The following FAM184B variants were observed in gnomAD, a reference collection of about 807,000 sequenced individuals.
FAM184B encodes the protein protein FAM184B.
A neutral mutation model predicts 135.9 loss-of-function variants in FAM184B; 111 were observed. The observed-to-expected ratio is 0.82, with a 90% CI of 0.70 to 0.96. FAM184B has a LOEUF of 0.96. FAM184B is among the 40% of genes least tolerant of loss of function. The pLI is 0.00. For missense variants in FAM184B, 1,375 were observed against 1,323.9 expected (o/e 1.04, Z -0.60); for synonymous variants, 552 against 524.8 (o/e 1.05, Z -0.71).
intron 7 of FAM184B, among the ~76,000 whole-genome samples, chr4:17,686,094 G>A (rs1716579675): frequency 6.6e-6 from 1 of 152,224 alleles, no homozygotes; most frequent in African/African-American, 2.4e-5. Flanking sequence ...ACTTTGAGGA[G>A]CTAAGAAATA....
intron 13 of FAM184B, among the ~76,000 whole-genome samples, chr4:17,641,669 TTTG>T: frequency 1.5e-5 from 2 of 132,148 alleles, no homozygotes; most frequent in South Asian, 2.5e-4. Flanking sequence ...TTTTTTTTTT[TTTG>T]TATTTTTAGT....
chr4:17,739,555 G>GTTTTTGTTTTTTTTTT (rs1553841421), intron 1 of FAM184B, among the ~76,000 whole-genome samples: 2 of 62,510 alleles, frequency 3.2e-5, no homozygotes, highest in African/African-American at 1.2e-4. Context: ...CATACCAACT[G>GTTTTTGTTTTTTTTTT]TTTTTTTTTT....
At chr4:17,725,699 T>C (rs1717623145) in intron 1 of FAM184B, among the ~76,000 whole-genome samples, 1 of 152,138 alleles carries the variant, frequency 6.6e-6, no homozygotes, top group Non-Finnish European at 1.5e-5. Context: ...GAGCCAGTCA[T>C]ATAGCGTCTG....
intron 13 of FAM184B, among the ~76,000 whole-genome samples, chr4:17,641,642 C>CTTTTTTTTT (rs1560165284): frequency 4.6e-4 from 16 of 34,452 alleles, no homozygotes; most frequent in Admixed American, 1.3e-3. Context: ...CCACGCCCGG[C>CTTTTTTTTT]CTTTTTTTTT....
At chr4:17,719,565 G>C (rs1407151631) in intron 1 of FAM184B, among the ~76,000 whole-genome samples, 1 of 152,180 alleles carries the variant, frequency 6.6e-6, no homozygotes, top group Non-Finnish European at 1.5e-5. Context: ...GAAAGGCACA[G>C]GGGAGGAAAG....
At position 17,699,252 on chromosome 4, in the gene FAM184B, A is replaced by G. The variant is rs181829871; in HGVS notation, c.1377+5748T>C. ...GAATCTGAAAACGAAGAGAACCTCA[A>G]TGACTTGTGGGACAATATTAGAAGA... is the stretch of plus-strand genomic sequence containing the variant. On this transcript the variant is annotated intron_variant, in intron 5 of 17. Coordinates refer to ENST00000265018, the MANE Select transcript of FAM184B (RefSeq NM_015688.2). Among the ~76,000 whole-genome samples the G allele has an allele frequency of 1.1e-3, 172 of 151,912 alleles. 1 individual carries two copies. Among genetic ancestry groups the G allele is most frequent in the Middle Eastern group, 0.01 (3 of 294 alleles).
chr4:17,744,103 G>C (rs1718103033), intron 1 of FAM184B, among the ~76,000 whole-genome samples: 1 of 152,140 alleles, frequency 6.6e-6, no homozygotes, highest in Admixed American at 6.6e-5. Flanking sequence ...ACATCTTTCT[G>C]ATTTTTCTAT....
rs1051724374 is a variant in FAM184B at position 17,730,176 on chromosome 4, C to T, written c.142-20532G>A. 1.9e-4 allele frequency among the ~76,000 whole-genome samples: 29 copies of T among 151,616 alleles called. 1 individual carries two copies. The highest frequency in any genetic ancestry group is 1.7e-4 in the African/African-American group (7 of 41,316). On this transcript the variant is annotated intron_variant, in intron 1 of 17. Coordinates refer to ENST00000265018, the MANE Select transcript of FAM184B (RefSeq NM_015688.2). ...AAGAAAGGGTATCAGTAATGGAAGA[C>T]GAAATGAATGAAATGAAGCGAGAAG...
chr4:17,637,260 C>G (rs1715170338), intron 14 of FAM184B, among the ~76,000 whole-genome samples: 1 of 152,192 alleles, frequency 6.6e-6, no homozygotes, highest in Non-Finnish European at 1.5e-5. Context: ...AATTCCTGAC[C>G]TCGTGATCCG....
intron 7 of FAM184B, among the ~76,000 whole-genome samples, chr4:17,666,469 C>CTTTTTTTTTTTTTTTTTTTTT (rs386399397): frequency 7.0e-5 from 4 of 57,162 alleles, no homozygotes; most frequent in Non-Finnish European, 8.8e-5. Flanking sequence ...GTGCCTGGTT[C>CTTTTTTTTTTTTTTTTTTTTT]TTTTTTTTTT....
chr4:17,666,900 G>A (rs1304203979), intron 7 of FAM184B, among the ~76,000 whole-genome samples: 1 of 151,772 alleles, frequency 6.6e-6, no homozygotes, highest in Admixed American at 6.6e-5. Context: ...CCAGATAGCA[G>A]GGGGACCACT....
At chr4:17,733,053 A>T (rs1717823373) in intron 1 of FAM184B, among the ~76,000 whole-genome samples, 1 of 152,210 alleles carries the variant, frequency 6.6e-6, no homozygotes, top group Non-Finnish European at 1.5e-5. Context: ...AATAAATGTA[A>T]TCCAGCATAT....
chr4:17,674,862 C>A (rs1716275624), intron 7 of FAM184B, among the ~76,000 whole-genome samples: 1 of 152,188 alleles, frequency 6.6e-6, no homozygotes, highest in Non-Finnish European at 1.5e-5. Flanking sequence ...GCAATTCAGT[C>A]ACATCATCAG....
At position 17,630,240 on chromosome 4, in the gene FAM184B, C is replaced by T. The variant is rs1161980197; in HGVS notation, c.*2292G>A. The T allele has an allele frequency of 2.0e-5, 3 of 152,132 alleles. No homozygotes were observed. The highest frequency in any genetic ancestry group is 4.4e-5 in the Non-Finnish European group (3 of 68,006). 9.4% of individuals were successfully genotyped at this position (152,132 alleles called of 1,614,324 possible). A position where few individuals can be genotyped will look rare whatever the true frequency, so the allele number is the denominator to read the frequency against. ...TGAAAGCACAAAATAAAGAGCAGTC[C>T]TACAGGGTTCACTGCTATGTCCTGA... On this transcript the variant is annotated 3_prime_UTR_variant, in exon 18 of 18. Transcript: ENST00000265018.
At chr4:17,706,422 T>C (rs1717119929) in intron 3 of FAM184B, among the ~76,000 whole-genome samples, 1 of 152,104 alleles carries the variant, frequency 6.6e-6, no homozygotes. Context: ...CTGGGCCATG[T>C]CTAGATACCA....
chr4:17,640,111 C>T (rs1715264829), intron 13 of FAM184B, among the ~76,000 whole-genome samples: 1 of 151,020 alleles, frequency 6.6e-6, no homozygotes, highest in East Asian at 2.0e-4. Flanking sequence ...GGATTACACG[C>T]GTGAGCCACC....
chr4:17,726,768 C>T lies in FAM184B; in HGVS notation c.142-17124G>A, dbSNP rs1380862601. Among the ~76,000 whole-genome samples, 8 of 152,294 alleles carry T rather than the reference C, an allele frequency of 5.3e-5. No individual in the cohort carries two copies. In the East Asian group the frequency reaches 1.5e-3, roughly 29 times the overall value. Reference sequence around the variant, plus strand: ...TGGTAGGCTCTTGACAAAGTAGCCACAGGCAGCTTCAGGATTTTATTTTCC... The same window carrying T: ...TGGTAGGCTCTTGACAAAGTAGCCATAGGCAGCTTCAGGATTTTATTTTCC... On this transcript the variant is annotated intron_variant, in intron 1 of 17. Transcript: ENST00000265018.
At chr4:17,751,822 G>GACACACACACACACAC (rs1718298223) in intron 1 of FAM184B, among the ~76,000 whole-genome samples, 1 of 23,106 alleles carries the variant, frequency 4.3e-5, no homozygotes, top group Admixed American at 6.7e-4. Flanking sequence ...CTAAAAACAA[G>GACACACACACACACAC]GCACACACAC....
intron 1 of FAM184B, among the ~76,000 whole-genome samples, chr4:17,739,571 T>TTTTTTTTTTTTTTTG (rs1717983878): frequency 1.4e-5 from 2 of 143,636 alleles, no homozygotes; most frequent in African/African-American, 2.6e-5. Context: ...TTTTTTTTTT[T>TTTTTTTTTTTTTTTG]GAGATGGGGT....
Sources: gnomAD v4.1 joint callset for allele counts (sites outside exome capture counted in the v4.1 genomes callset) on GRCh38, gnomAD v4.1.1 for gene constraint, MANE v1.5 for transcripts, NCBI Gene and HGNC (gene_info 2026-07-23, HGNC 2026-07-21) for gene names.